The following CSMD2 variants were observed in gnomAD, a reference collection of about 807,000 sequenced individuals.
CSMD2 encodes CUB and sushi domain-containing protein 2.
In CSMD2, 130 loss-of-function variants were observed where a neutral mutation model predicts 398.5. The ratio of observed to expected loss-of-function variants is 0.33; its 90% confidence interval spans 0.28 to 0.38. The LOEUF (loss-of-function observed/expected upper bound fraction) is 0.38, where lower values mean the gene tolerates loss of function less well. Among genes scored for constraint, CSMD2 ranks in the 10% least tolerant of loss-of-function variants. The probability of loss-of-function intolerance (pLI) is 1.00; values close to 1 mark genes in which losing one functional copy is unlikely to be tolerated. For missense variants in CSMD2, 3,829 were observed against 4,764.9 expected, an observed-to-expected ratio of 0.80 and a Z score of 5.78; for synonymous variants, 1,828 against 1,908.5, an observed-to-expected ratio of 0.96 and a Z score of 1.10.
intron 5 of CSMD2, among the ~76,000 whole-genome samples, chr1:33,872,743 G>A (rs566573065): frequency 1.1e-4 from 16 of 152,224 alleles, no homozygotes; most frequent in African/African-American, 3.9e-4. Flanking sequence ...GAGGCCATTG[G>A]ACCCCTAAAA....
At chr1:34,063,097 G>A (rs1336351366) in intron 2 of CSMD2, among the ~76,000 whole-genome samples, 4 of 152,116 alleles carry the variant, frequency 2.6e-5, no homozygotes, top group Admixed American at 6.5e-5. Flanking sequence ...AACCGCCCCC[G>A]TGATTCAAAT....
rs145487948 is a variant in CSMD2 at position 34,153,686 on chromosome 1, G to A, written c.187+11225C>T. Among the ~76,000 whole-genome samples the A allele has an allele frequency of 1.0e-3, 158 of 152,294 alleles. 1 individual carries two copies. Among genetic ancestry groups the A allele is most frequent in the African/African-American group, 3.7e-3 (152 of 41,556 alleles). On this transcript the variant is annotated intron_variant, in intron 1 of 70. Coordinates refer to ENST00000373381, the MANE Select transcript of CSMD2 (RefSeq NM_001281956.2). ...AAATTGTACTTTAACTGGGGCCTTC[G>A]GGAAACACAGGGCCTTGAGCCAGAA...
chr1:33,704,919 C>T (rs977352093), intron 22 of CSMD2, among the ~76,000 whole-genome samples: 10 of 151,620 alleles, frequency 6.6e-5, no homozygotes, highest in African/African-American at 1.5e-4. Flanking sequence ...CCCGCCATCA[C>T]GTCCCGCTAA....
At chr1:33,882,642 T>C (rs560079521) in intron 5 of CSMD2, among the ~76,000 whole-genome samples, 1 of 152,186 alleles carries the variant, frequency 6.6e-6, no homozygotes. Context: ...GGGCATACAC[T>C]TCAATCATCC....
chr1:33,613,396 C>CA (rs1641175508), intron 40 of CSMD2, among the ~76,000 whole-genome samples: 1 of 152,206 alleles, frequency 6.6e-6, no homozygotes, highest in Non-Finnish European at 1.5e-5. Context: ...CTTAATGTCT[C>CA]AAAGTCTGGA....
chr1:33,858,404 A>C (rs1234711601), intron 5 of CSMD2, among the ~76,000 whole-genome samples: 1 of 152,124 alleles, frequency 6.6e-6, no homozygotes, highest in African/African-American at 2.4e-5. Context: ...AGCCCCAGCC[A>C]AGGGAGTTCC....
chr1:33,604,848 T>C (rs1400706016), intron 42 of CSMD2, among the ~76,000 whole-genome samples: 1 of 152,106 alleles, frequency 6.6e-6, no homozygotes, highest in African/African-American at 2.4e-5. Context: ...AGGGGGAAGA[T>C]GAAGAGGGGA....
At chr1:33,826,310 C>T (rs867560673) in intron 6 of CSMD2, among the ~76,000 whole-genome samples, 7 of 151,076 alleles carry the variant, frequency 4.6e-5, no homozygotes, top group Admixed American at 1.3e-4. Flanking sequence ...TACATTCCCC[C>T]ACTCCTTGAC....
At chr1:33,869,160 C>A (rs1640264901) in intron 5 of CSMD2, 1 of 152,190 alleles carries the variant, frequency 6.6e-6, no homozygotes, top group African/African-American at 2.4e-5. Flanking sequence ...TAGTGGAGAA[C>A]CACGTGCTTC....
intron 46 of CSMD2, 92 bp from the exon 47 acceptor site, chr1:33,583,922 C>G: frequency 3.8e-6 from 4 of 1,064,468 alleles, no homozygotes; most frequent in Non-Finnish European, 2.8e-6. Context: ...AAGACAACCC[C>G]TAGAAAATCA....
At chr1:33,917,270 C>A (rs963666077) in intron 5 of CSMD2, among the ~76,000 whole-genome samples, 1 of 152,206 alleles carries the variant, frequency 6.6e-6, no homozygotes, top group Non-Finnish European at 1.5e-5. Context: ...GATGCCCCAT[C>A]CTTGCTTGAA....
intron 4 of CSMD2, among the ~76,000 whole-genome samples, chr1:33,922,570 T>C (rs1452616562): frequency 6.6e-6 from 1 of 152,158 alleles, no homozygotes; most frequent in Non-Finnish European, 1.5e-5. Context: ...CAACTAGATA[T>C]TCCACATTGC....
In CSMD2 at chr1:33,537,180, A is replaced by G; in HGVS notation, c.9806-85T>C. 1 of 1,477,636 alleles carries G rather than the reference A, an allele frequency of 6.8e-7. No homozygotes were observed. The highest frequency in any genetic ancestry group is 2.3e-5 in the East Asian group (1 of 44,226). 91.5% of individuals were successfully genotyped at this position (1,477,636 alleles called of 1,614,324 possible). Reference sequence around the variant, plus strand: ...TCACTCTGGGAAATAGGTGTAGAAAAGAAAATGCGGCCACATCCTGACTTC... The same window carrying G: ...TCACTCTGGGAAATAGGTGTAGAAAGGAAAATGCGGCCACATCCTGACTTC... On this transcript the variant is annotated intron_variant, in intron 61 of 70. Coordinates refer to ENST00000373381, the MANE Select transcript of CSMD2 (RefSeq NM_001281956.2). The surrounding 1 kb of genome is among the most constrained non-coding windows in gnomAD (Gnocchi z 4.6).
chr1:34,151,996 C>T (rs902008426), intron 1 of CSMD2, among the ~76,000 whole-genome samples: 3 of 152,130 alleles, frequency 2.0e-5, no homozygotes, highest in Admixed American at 6.5e-5. Context: ...GCACATGCCA[C>T]TATACCCAGC....
At chr1:34,057,442 G>T (rs1441255336) in intron 2 of CSMD2, among the ~76,000 whole-genome samples, 1 of 152,088 alleles carries the variant, frequency 6.6e-6, no homozygotes, top group African/African-American at 2.4e-5. Context: ...GGAGGCTCCT[G>T]GTGGAGGCGA....
At chr1:34,028,612 C>T (rs895013671) in intron 3 of CSMD2, among the ~76,000 whole-genome samples, 16 of 152,180 alleles carry the variant, frequency 1.1e-4, no homozygotes, top group African/African-American at 2.4e-5. Flanking sequence ...AGAAAAGCCA[C>T]GTTAAAATTC....
At position 34,027,148 on chromosome 1, in the gene CSMD2, T is replaced by C. The variant is rs548686011; in HGVS notation, c.517+5446A>G. Among the ~76,000 whole-genome samples, 51 of 152,288 alleles carry C rather than the reference T, an allele frequency of 3.3e-4. No individual in the cohort carries two copies. In the South Asian group the frequency reaches 9.5e-3, roughly 29 times the overall value. On this transcript the variant is annotated intron_variant, in intron 3 of 70. Transcript: ENST00000373381. ...CTAAAGGAAACCCATTACATTAATA[T>C]CCTTAATATGCAAAAAGCACTTACA...
intron 64 of CSMD2, among the ~76,000 whole-genome samples, chr1:33,530,231 T>C (rs1290662495): frequency 6.7e-6 from 1 of 149,000 alleles, no homozygotes; most frequent in Non-Finnish European, 1.5e-5. Flanking sequence ...TAGAAGGAAC[T>C]AAAACAACTC....
At chr1:33,761,041 A>G (rs1264501944) in intron 13 of CSMD2, among the ~76,000 whole-genome samples, 1 of 152,162 alleles carries the variant, frequency 6.6e-6, no homozygotes, top group East Asian at 1.9e-4. Flanking sequence ...TGACTGCTCG[A>G]CTGCCAACTG....
Sources: gnomAD v4.1 joint callset for allele counts (sites outside exome capture counted in the v4.1 genomes callset) on GRCh38, gnomAD v4.1.1 for gene constraint, Gnocchi (gnomAD v3.1) non-coding constraint, MANE v1.5 for transcripts, NCBI Gene and HGNC (gene_info 2026-07-23, HGNC 2026-07-21) for gene names.